The following IQSEC3 variants were observed in gnomAD, a reference collection of about 807,000 sequenced individuals.
The protein encoded by IQSEC3 is IQ motif and Sec7 domain ArfGEF 3, also known as IQ motif and SEC7 domain-containing protein 3.
IQSEC3 carries 50 observed loss-of-function variants against 105.4 expected under a neutral mutation model. That is an observed-to-expected ratio of 0.47 (90% CI 0.38 to 0.60). The LOEUF (loss-of-function observed/expected upper bound fraction) is 0.60. IQSEC3 is among the 20% of genes least tolerant of loss of function. The pLI is 0.00. For synonymous variants in IQSEC3, 708 were observed against 746.0 expected (o/e 0.95, Z 0.83); for missense variants, 1,415 against 1,630.0 (o/e 0.87, Z 2.27).
At chr12:147,216 T>C (rs1456518280) in intron 5 of IQSEC3, among the ~76,000 whole-genome samples, 3 of 152,008 alleles carry the variant, frequency 2.0e-5, no homozygotes, top group African/African-American at 7.3e-5. Flanking sequence ...TCTTCCGGGG[T>C]GTCACTGTCT....
Position 139,223 on chromosome 12 carries a change from C to G in IQSEC3, c.1860C>G (p.Asp620Glu). ...GSEASASASK[D>E]ALQAMILSLP... The stretch of plus-strand genomic sequence containing the variant: ...AGGCGTCGGCCTCCGCCTCCAAGGA[C>G]GCCCTGCAGGCCATGATCCTGAGCC... The change falls in exon 4 of 14, where the codon GAC (aspartate) becomes GAG (glutamate). Residue 620 changes from aspartate to glutamate, a missense_variant. Around this residue, in one of 6 missense-constraint regions of IQSEC3, gnomAD observed 720 missense variants for 633.0 expected, o/e 1.14. Coordinates refer to ENST00000538872, the MANE Select transcript of IQSEC3 (RefSeq NM_001170738.2). 1 of 1,604,030 alleles carries G rather than the reference C, an allele frequency of 6.2e-7. No homozygotes were observed. The highest frequency in any genetic ancestry group is 8.5e-7 in the Non-Finnish European group (1 of 1,176,772).
chr12:162,176 C>A, intron 8 of IQSEC3, 111 bp downstream of exon 8: 1 of 1,245,838 alleles, frequency 8.0e-7, no homozygotes, highest in Non-Finnish European at 1.1e-6. Flanking sequence ...TATTCATTCA[C>A]ATGATAGTTA....
chr12:125,584 A>G (rs781944129), intron 2 of IQSEC3, 49 bp from the exon 3 acceptor site: 2 of 1,447,032 alleles, frequency 1.4e-6, no homozygotes, highest in African/African-American at 1.5e-5. Context: ...ATCCACACGC[A>G]CCCTGTCGCC....
chr12:79,690 C>T (rs1555070285), intron 1 of IQSEC3, among the ~76,000 whole-genome samples: 1 of 152,120 alleles, frequency 6.6e-6, no homozygotes, highest in Non-Finnish European at 1.5e-5. Context: ...ATTCAGCCTC[C>T]AGAGTAGCTT....
chr12:101,286 G>A (rs990125205), intron 2 of IQSEC3, among the ~76,000 whole-genome samples: 2 of 152,188 alleles, frequency 1.3e-5, no homozygotes, highest in Admixed American at 6.5e-5. Flanking sequence ...CCAGCAGCAC[G>A]CCAGAATGTA....
chr12:136,444 G>A (rs544121226), intron 3 of IQSEC3, among the ~76,000 whole-genome samples: 67 of 152,318 alleles, frequency 4.4e-4, no homozygotes, highest in Admixed American at 2.0e-3. Flanking sequence ...CAGAGGGCAC[G>A]GCTGGGCTGT....
At chr12:174,454 C>A in intron 13 of IQSEC3, 145 bp from the exon 14 acceptor site, 1 of 771,308 alleles carries the variant, frequency 1.3e-6, no homozygotes, top group Non-Finnish European at 2.0e-6. Flanking sequence ...GCAACCCAGT[C>A]TTCTTGTGGG....
intron 6 of IQSEC3, 140 bp from the exon 7 acceptor site, chr12:157,388 A>G (rs190858501): frequency 1.6e-5 from 18 of 1,113,870 alleles, no homozygotes; most frequent in Admixed American, 9.1e-5. Flanking sequence ...AAAAGACCAG[A>G]GTATGGGACA....
At chr12:96,190 G>A (rs956209104) in intron 1 of IQSEC3, among the ~76,000 whole-genome samples, 1 of 152,132 alleles carries the variant, frequency 6.6e-6, no homozygotes, top group Non-Finnish European at 1.5e-5. Context: ...TTGAAATATG[G>A]CGGTCACAGG....
At chr12:94,157 A>G (rs1039407941) in intron 1 of IQSEC3, among the ~76,000 whole-genome samples, 6 of 152,190 alleles carry the variant, frequency 3.9e-5, no homozygotes, top group Non-Finnish European at 8.8e-5. Flanking sequence ...TCAAGCATTG[A>G]GTGCCATCAC....
chr12:94,625 G>T (rs769488153), intron 1 of IQSEC3, among the ~76,000 whole-genome samples: 8 of 152,266 alleles, frequency 5.3e-5, no homozygotes, highest in Non-Finnish European at 1.2e-4. Context: ...CCAAGGTGCT[G>T]CAGGTCTTGG....
At position 175,076 on chromosome 12, in the gene IQSEC3, G is replaced by A. The variant is rs1282720156; in HGVS notation, c.*43G>A. On this transcript the variant is annotated 3_prime_UTR_variant, in exon 14 of 14. Transcript: ENST00000538872. Reference sequence around the variant, plus strand: ...TGCTGTCCTGGGAGGGCTGGCCACTGGGGGGCCTGGGCTGCCCCTCCACTG... The same window carrying A: ...TGCTGTCCTGGGAGGGCTGGCCACTAGGGGGCCTGGGCTGCCCCTCCACTG... 1.4e-6 allele frequency: 2 copies of A among 1,422,328 alleles called. No individual in the cohort carries two copies. Among genetic ancestry groups the A allele is most frequent in the Non-Finnish European group, 1.9e-6 (2 of 1,073,786 alleles). The allele number at this position is 1,422,328 out of a possible 1,614,324, so 88.1% of individuals were successfully genotyped here. A position where few individuals can be genotyped will look rare whatever the true frequency, so the allele number is the denominator to read the frequency against.
At chr12:137,418 T>TAGGGGAGGAGCGGGGAAGCACGAGG (rs1865810367) in intron 3 of IQSEC3, 3 of 152,146 alleles carry the variant, frequency 2.0e-5, no homozygotes, top group African/African-American at 7.2e-5. Context: ...TTTCATTGTT[T>TAGGGGAGGAGCGGGGAAGCACGAGG]ATTGTTTTAA....
intron 3 of IQSEC3, among the ~76,000 whole-genome samples, chr12:126,493 C>A (rs1865414773): frequency 6.6e-6 from 1 of 151,324 alleles, no homozygotes; most frequent in South Asian, 2.1e-4. Flanking sequence ...ATTGAACCCC[C>A]AAAAAAGATA....
intron 1 of IQSEC3, among the ~76,000 whole-genome samples, chr12:83,118 A>G (rs1325868031): frequency 1.3e-5 from 2 of 152,194 alleles, no homozygotes; most frequent in Non-Finnish European, 2.9e-5. Flanking sequence ...TAGGGAAAAA[A>G]TTAAAATGTG....
chr12:118,592 C>T (rs1483385169), intron 2 of IQSEC3, among the ~76,000 whole-genome samples: 1 of 152,142 alleles, frequency 6.6e-6, no homozygotes, highest in Non-Finnish European at 1.5e-5. Flanking sequence ...CTTCAAAATG[C>T]TCCTGGTAGA....
chr12:109,706 C>A (rs562565133), intron 2 of IQSEC3, among the ~76,000 whole-genome samples: 2 of 152,230 alleles, frequency 1.3e-5, no homozygotes, highest in South Asian at 4.1e-4. Context: ...GCCTCTAGAA[C>A]CTTCCCCCAG....
In IQSEC3 at chr12:139,086, G is replaced by A; in HGVS notation, c.1723G>A (p.Glu575Lys). 1 of 1,472,934 alleles carries A rather than the reference G, an allele frequency of 6.8e-7. No homozygotes were observed. The highest frequency in any genetic ancestry group is 9.0e-7 in the Non-Finnish European group (1 of 1,108,670). The allele number at this position is 1,472,934 out of a possible 1,614,324, so 91.2% of individuals were successfully genotyped here. A position where few individuals can be genotyped will look rare whatever the true frequency, so the allele number is the denominator to read the frequency against. ...GATAPKTEEE[E>K]EEEETAEVGR... ...CACAGCCCCCAAAACAGAGGAGGAA[G>A]AGGAGGAGGAGGAGACGGCGGAGGT... The change falls in exon 4 of 14, where the codon GAG becomes AAG. Residue 575 changes from glutamate to lysine, a missense_variant. By Grantham distance (56) the Glu-to-Lys change is moderately conservative. Around this residue, in one of 6 missense-constraint regions of IQSEC3, gnomAD observed 720 missense variants for 633.0 expected, o/e 1.14. Transcript: ENST00000538872.
intron 2 of IQSEC3, among the ~76,000 whole-genome samples, chr12:102,623 C>T (rs1555076504): frequency 2.6e-5 from 4 of 152,218 alleles, no homozygotes; most frequent in African/African-American, 9.6e-5. Flanking sequence ...GGCAGAGAAG[C>T]CTCAGCCCTA....
Sources: gnomAD v4.1 joint callset for allele counts (sites outside exome capture counted in the v4.1 genomes callset) on GRCh38, gnomAD v4.1.1 for gene constraint, gnomAD v4.1.1 regional missense constraint, MANE v1.5 for transcripts, NCBI Gene and HGNC (gene_info 2026-07-23, HGNC 2026-07-21) for gene names.